Variants in CHD7 observed in about 807,000 individuals in gnomAD.
CHD7 encodes ATP-dependent chromatin remodeler CHD7.
Under a neutral mutation model 307.3 loss-of-function variants are expected in CHD7, and 24 were observed. That is an observed-to-expected ratio of 0.08 (90% CI 0.06 to 0.11). The LOEUF (loss-of-function observed/expected upper bound fraction) is 0.11. CHD7 is among the 10% of genes least tolerant of loss of function. CHD7 has a pLI of 1.00. For missense variants in CHD7, 3,106 were observed against 3,727.1 expected, an observed-to-expected ratio of 0.83 and a Z score of 4.34; for synonymous variants, 1,363 against 1,349.9, an observed-to-expected ratio of 1.01 and a Z score of -0.21.
At chr8:60,739,736 A>G (rs1485069986) in intron 1 of CHD7, among the ~76,000 whole-genome samples, 1 of 152,206 alleles carries the variant, frequency 6.6e-6, no homozygotes, top group Non-Finnish European at 1.5e-5. Context: ...CTTGTTAGGA[A>G]TGTGTTAGAA....
Position 60,856,749 on chromosome 8 carries a change from C to T in CHD7, c.7469C>T (p.Ser2490Leu), listed in dbSNP as rs371595770. 25 of 1,614,052 alleles carry T rather than the reference C, an allele frequency of 1.5e-5. No homozygotes were observed. The highest frequency in any genetic ancestry group is 1.6e-4 in the Middle Eastern group (1 of 6,062). Residue 2490 changes from serine (S) to leucine (L), a missense_variant, in exon 34 of 38, where the codon TCG (serine) becomes TTG (leucine). By Grantham distance (145) the Ser-to-Leu change is moderately radical. Transcript: ENST00000423902. ...ATGGAACTGCTCCAAGCAGGCCTTT[C>T]GCGCACACCCACAAGGCATCTCCTT... is the stretch of plus-strand genomic sequence containing the variant. ...TQMELLQAGL[S>L]RTPTRHLLNG...
intron 21 of CHD7, 71 bp downstream of exon 21, chr8:60,842,123 A>C: frequency 7.8e-7 from 1 of 1,285,424 alleles, no homozygotes; most frequent in South Asian, 1.4e-5. Context: ...TGGTAGAGAA[A>C]AACTATATTT....
chr8:60,837,837 TAA>T lies in CHD7; in HGVS notation c.4353+5_4353+6del. 6.2e-7 allele frequency: 1 copy of T among 1,610,186 alleles called. No homozygotes were observed. Among genetic ancestry groups the T allele is most frequent in the South Asian group, 1.1e-5 (1 of 90,634 alleles). On this transcript the variant is annotated splice_donor_region_variant and intron_variant, in intron 18 of 37. Transcript: ENST00000423902. ...GGAAGAGAAAATGCTACCAATGGGG[TAA>T]AACCACCCTTGCCCAAACCATTTAT...
chr8:60,715,444 G>A lies in CHD7; in HGVS notation c.-174-25815G>A, dbSNP rs1034142878. On this transcript the variant is annotated intron_variant, in intron 1 of 37. Transcript: ENST00000423902. The stretch of plus-strand genomic sequence containing the variant: ...TTCAAGGAATTCTGCATCAGCCTCC[G>A]GAGTAGCTGGGATTACAGGCACCTG... Among the ~76,000 whole-genome samples, 7 of 151,290 alleles carry A rather than the reference G, an allele frequency of 4.6e-5. No individual in the cohort carries two copies. In the South Asian group the frequency reaches 6.2e-4, roughly 13 times the overall value.
intron 1 of CHD7, among the ~76,000 whole-genome samples, chr8:60,730,965 C>CGA (rs1808424005): frequency 6.6e-6 from 1 of 152,192 alleles, no homozygotes; most frequent in African/African-American, 2.4e-5. Context: ...TTGACCTGCA[C>CGA]TGTCCCATCC....
intron 1 of CHD7, among the ~76,000 whole-genome samples, chr8:60,680,266 TG>T (rs1431219773): frequency 7.1e-6 from 1 of 141,726 alleles, no homozygotes; most frequent in Non-Finnish European, 1.5e-5. Flanking sequence ...AGGAGGGCGG[TG>T]GGGGACGCGT....
rs139179354 is a variant in CHD7, at chr8:60,691,674, C to T, written c.-175+12592C>T. The stretch of plus-strand genomic sequence containing the variant: ...TGTTCTTACCCACTCCTCCCTTCCA[C>T]CTCACCAGGATTAAGAAGGTACAGA... On this transcript the variant is annotated intron_variant, in intron 1 of 37. Coordinates refer to ENST00000423902, the MANE Select transcript of CHD7 (RefSeq NM_017780.4). 1.1e-4 allele frequency among the ~76,000 whole-genome samples: 16 copies of T among 152,306 alleles called. No homozygotes were observed. The East Asian group carries it at 2.5e-3, about 24-fold the overall frequency.
chr8:60,861,210 T>A (rs1805954256), intron 35 of CHD7, 85 bp downstream of exon 35: 2 of 1,014,124 alleles, frequency 2.0e-6, no homozygotes, highest in Non-Finnish European at 2.9e-6. Flanking sequence ...CCCTGACAGC[T>A]GGTCCCTCTG....
chr8:60,822,236 T>C, intron 11 of CHD7, 91 bp downstream of exon 11: 1 of 1,167,760 alleles, frequency 8.6e-7, no homozygotes, highest in Non-Finnish European at 1.2e-6. Flanking sequence ...CTTAATGTTT[T>C]AACTCTAATA....
At chr8:60,733,321 A>G (rs977906954) in intron 1 of CHD7, among the ~76,000 whole-genome samples, 1 of 151,792 alleles carries the variant, frequency 6.6e-6, no homozygotes, top group Non-Finnish European at 1.5e-5. Flanking sequence ...GTATATATAG[A>G]TACATGTTTG....
chr8:60,751,745 C>T (rs574408041), intron 2 of CHD7, among the ~76,000 whole-genome samples: 64 of 152,196 alleles, frequency 4.2e-4, no homozygotes, highest in African/African-American at 1.3e-3. Context: ...GGAGAACCTT[C>T]GAGGGCTAGG....
chr8:60,714,146 C>G (rs892263536), intron 1 of CHD7, among the ~76,000 whole-genome samples: 1 of 151,854 alleles, frequency 6.6e-6, no homozygotes, highest in South Asian at 2.1e-4. Flanking sequence ...GCCCGGAGCC[C>G]GCGCGAGGAC....
chr8:60,862,557 G>T lies in CHD7; in HGVS notation c.7981G>T (p.Ala2661Ser), dbSNP rs867684518. ...NKRNGKKMGGAMAPPMKDLPR... is the reference protein window; with the variant it reads ...NKRNGKKMGGSMAPPMKDLPR... ...AAATGCCTCTACCCAGATGGGTGGAGCTATGGCGCCTCCAATGAAGGATCT... is the reference window on the plus strand; with the variant it reads ...AAATGCCTCTACCCAGATGGGTGGATCTATGGCGCCTCCAATGAAGGATCT... The change falls in exon 37 of 38, where the codon GCT becomes TCT. Residue 2661 changes from alanine (A) to serine (S), a missense_variant. This residue lies in a region of CHD7 where 59 missense variants were observed against 106.2 expected (regional missense o/e 0.56). Transcript: ENST00000423902. The T allele has an allele frequency of 6.4e-7, 1 of 1,571,164 alleles. No homozygotes were observed. The highest frequency in any genetic ancestry group is 2.3e-5 in the East Asian group (1 of 42,738).
intron 23 of CHD7, among the ~76,000 whole-genome samples, chr8:60,847,359 T>C (rs1805257246): frequency 6.6e-6 from 1 of 152,218 alleles, no homozygotes; most frequent in Non-Finnish European, 1.5e-5. Context: ...AGTTGTGCCA[T>C]GTGCAAGGTA....
chr8:60,719,418 C>T (rs184604607), intron 1 of CHD7, among the ~76,000 whole-genome samples: 12 of 152,148 alleles, frequency 7.9e-5, no homozygotes, highest in Non-Finnish European at 1.2e-4. Context: ...ATATTTGAAA[C>T]GTGTGGGGGC....
At chr8:60,764,610 CCATCT>C (rs887160547) in intron 2 of CHD7, among the ~76,000 whole-genome samples, 4 of 152,166 alleles carry the variant, frequency 2.6e-5, no homozygotes, top group African/African-American at 9.7e-5. Context: ...AGAAGCTCAT[CCATCT>C]ATTCAGCCAT....
chr8:60,851,410 A>G (rs1586442252), intron 28 of CHD7, 91 bp downstream of exon 28: 5 of 938,070 alleles, frequency 5.3e-6, no homozygotes, highest in South Asian at 4.2e-5. Context: ...TCATGACAGC[A>G]GTGTCTTAAC....
At chr8:60,679,445 G>T (rs1024960084) in intron 1 of CHD7, 10 of 145,318 alleles carry the variant, frequency 6.9e-5, no homozygotes, top group African/African-American at 1.7e-4. Context: ...GCGTGGGGGG[G>T]GGGTACGGGG....
intron 2 of CHD7, among the ~76,000 whole-genome samples, chr8:60,763,359 G>A (rs1810314051): frequency 6.6e-6 from 1 of 152,082 alleles, no homozygotes; most frequent in South Asian, 2.1e-4. Flanking sequence ...CACATTCCAG[G>A]TACTCAGTAG....
Sources: allele counts gnomAD v4.1 joint callset (sites outside exome capture counted in the v4.1 genomes callset), GRCh38; gene constraint gnomAD v4.1.1; regional missense constraint gnomAD v4.1.1; transcripts MANE v1.5; gene names NCBI Gene and HGNC (gene_info 2026-07-23, HGNC 2026-07-21).